The following PDE8B variants were observed in gnomAD, a reference collection of about 807,000 sequenced individuals.
The protein encoded by PDE8B is phosphodiesterase 8B.
In PDE8B, 26 loss-of-function variants were observed where a neutral mutation model predicts 101.3. That is an observed-to-expected ratio of 0.26 (90% CI 0.19 to 0.36). The LOEUF (loss-of-function observed/expected upper bound fraction) is 0.36, where lower values mean the gene tolerates loss of function less well. Among genes scored for constraint, PDE8B ranks in the 10% least tolerant of loss-of-function variants. PDE8B has a pLI of 1.00. For missense variants in PDE8B, 810 were observed against 1,163.1 expected (o/e 0.70, Z 4.42); for synonymous variants, 424 against 429.3 (o/e 0.99, Z 0.15).
At chr5:77,407,243 G>A in intron 12 of PDE8B, 138 bp from the exon 13 acceptor site, 1 of 737,742 alleles carries the variant, frequency 1.4e-6, no homozygotes, top group Non-Finnish European at 2.5e-6. Context: ...TGGCAGAAGA[G>A]ATGGGTGAAT....
chr5:77,334,680 C>T (rs748919470), intron 5 of PDE8B, among the ~76,000 whole-genome samples: 2 of 152,126 alleles, frequency 1.3e-5, no homozygotes, highest in Non-Finnish European at 2.9e-5. Flanking sequence ...TCCATTTTTG[C>T]AGAGGAGGAA....
intron 1 of PDE8B, among the ~76,000 whole-genome samples, chr5:77,241,552 C>T (rs1755769839): frequency 6.6e-6 from 1 of 152,210 alleles, no homozygotes; most frequent in African/African-American, 2.4e-5. Context: ...CCTATAAGCA[C>T]TATGATCCTT....
chr5:77,207,527 CTTAA>C (rs1747598415), upstream of PDE8B, among the ~76,000 whole-genome samples: 2 of 151,858 alleles, frequency 1.3e-5, no homozygotes, highest in South Asian at 4.2e-4. Context: ...TTTTTCTCCA[CTTAA>C]TTATTTTTTT....
rs191390690 is a variant in PDE8B at position 77,239,848 on chromosome 5, G to T, written c.339+28584G>T. On this transcript the variant is annotated intron_variant, in intron 1 of 21. Coordinates refer to ENST00000264917, the MANE Select transcript of PDE8B (RefSeq NM_003719.5). ...CTCTCCAGAATGCTCTTCTACTTGGGTGGCTTTTAAAGCATGTTTGTTTAT... is the reference window on the plus strand; with the variant it reads ...CTCTCCAGAATGCTCTTCTACTTGGTTGGCTTTTAAAGCATGTTTGTTTAT... 2.1e-3 allele frequency among the ~76,000 whole-genome samples: 316 copies of T among 152,060 alleles called. 1 individual carries two copies. Among genetic ancestry groups the T allele is most frequent in the African/African-American group, 7.4e-3 (305 of 41,454 alleles).
chr5:77,351,447 A>G lies in PDE8B; in HGVS notation c.1106+294A>G, dbSNP rs556827370. Among the ~76,000 whole-genome samples the G allele has an allele frequency of 2.3e-3, 353 of 152,204 alleles. 2 individuals carry two copies. The highest frequency in any genetic ancestry group is 8.2e-3 in the African/African-American group (340 of 41,522). ...ATTTCTGGGCTTCCCTTTCCCCATA[A>G]CAACAATGATCTCCTGCTGGTGCTC... On this transcript the variant is annotated intron_variant, in intron 9 of 21. Transcript: ENST00000264917.
At chr5:77,407,497 C>G (rs190220022) in intron 13 of PDE8B, 40 bp downstream of exon 13, 1 of 1,421,118 alleles carries the variant, frequency 7.0e-7, no homozygotes, top group East Asian at 2.3e-5. Context: ...AGTCAGGGGC[C>G]CTCACACAGG....
chr5:77,365,409 A>G (rs995097476), intron 10 of PDE8B, among the ~76,000 whole-genome samples: 2 of 152,114 alleles, frequency 1.3e-5, no homozygotes, highest in African/African-American at 4.8e-5. Context: ...GACAAGACTG[A>G]TTTGACCAAA....
At chr5:77,409,461 AG>A (rs754887477) in intron 14 of PDE8B, among the ~76,000 whole-genome samples, 35 of 152,140 alleles carry the variant, frequency 2.3e-4, no homozygotes, top group Non-Finnish European at 4.4e-4. Context: ...GTTTATTGTT[AG>A]ACTATAGCAT....
the PDE8B span, among the ~76,000 whole-genome samples, chr5:77,100,700 G>GTTTA: frequency 1.3e-5 from 2 of 152,106 alleles, no homozygotes; most frequent in Non-Finnish European, 2.9e-5. Context: ...CCTCCTGCTT[G>GTTTA]TTTAAAGGGT....
intron 1 of PDE8B, among the ~76,000 whole-genome samples, chr5:77,307,596 C>T (rs1372558877): frequency 6.6e-6 from 1 of 152,032 alleles, no homozygotes; most frequent in East Asian, 1.9e-4. Context: ...CAAAATAGTA[C>T]TTGTGTTTTT....
chr5:77,309,644 G>C (rs1026370841), intron 1 of PDE8B, among the ~76,000 whole-genome samples: 4 of 150,618 alleles, frequency 2.7e-5, no homozygotes, highest in Admixed American at 2.0e-4. Flanking sequence ...TTTTTTTTCA[G>C]AGTCTCACTC....
At chr5:77,194,953 G>A in the PDE8B span, among the ~76,000 whole-genome samples, 1 of 152,208 alleles carries the variant, frequency 6.6e-6, no homozygotes, top group African/African-American at 2.4e-5. Context: ...TGGGGTATAA[G>A]CCTGGGAGTG....
At chr5:77,209,186 AAAAG>A (rs747365918), upstream of PDE8B, among the ~76,000 whole-genome samples, 32 of 152,290 alleles carry the variant, frequency 2.1e-4, 1 homozygote, top group Admixed American at 1.3e-3. Flanking sequence ...TTGTATCAAA[AAAAG>A]AGAGCTAAAC....
At chr5:77,173,828 G>T in the PDE8B span, among the ~76,000 whole-genome samples, 2 of 152,046 alleles carry the variant, frequency 1.3e-5, no homozygotes, top group African/African-American at 4.8e-5. Context: ...CGGGGGTGGT[G>T]GTGCGTGGCA....
intron 10 of PDE8B, chr5:77,358,477 G>A (rs1581224028): frequency 3.1e-6 from 3 of 982,874 alleles, no homozygotes; most frequent in Middle Eastern, 1.0e-3. Flanking sequence ...CTTAGGGCGG[G>A]GACTGTGGGT....
intron 20 of PDE8B, 22 bp downstream of exon 20, chr5:77,422,010 G>C: frequency 6.2e-7 from 1 of 1,611,330 alleles, no homozygotes; most frequent in Non-Finnish European, 8.5e-7. Context: ...TTCCAGGGAA[G>C]CTCCACTTCC....
chr5:77,330,796 A>C (rs1294763887), intron 4 of PDE8B, among the ~76,000 whole-genome samples: 2 of 152,368 alleles, frequency 1.3e-5, no homozygotes, highest in East Asian at 3.9e-4. Context: ...GCCAATCCAC[A>C]TCCCACCTTG....
chr5:77,395,550 G>A (rs192856408), intron 10 of PDE8B, among the ~76,000 whole-genome samples: 4 of 150,804 alleles, frequency 2.7e-5, no homozygotes, highest in South Asian at 4.2e-4. Context: ...TTTTCACCTC[G>A]CTAGGATAAG....
intron 1 of PDE8B, among the ~76,000 whole-genome samples, chr5:77,263,404 T>C (rs764759075): frequency 6.6e-6 from 1 of 152,190 alleles, no homozygotes; most frequent in Non-Finnish European, 1.5e-5. Context: ...AGTAAATAAA[T>C]GTTTTTATTC....
Sources: gnomAD v4.1 joint callset for allele counts (sites outside exome capture counted in the v4.1 genomes callset) on GRCh38, gnomAD v4.1.1 for gene constraint, MANE v1.5 for transcripts, NCBI Gene and HGNC (gene_info 2026-07-23, HGNC 2026-07-21) for gene names.